Variants in ANXA11 observed in about 807,000 individuals in gnomAD.
ANXA11 encodes annexin A11.
Under a neutral mutation model 64.7 loss-of-function variants are expected in ANXA11, and 57 were observed. That is an observed-to-expected ratio of 0.88 (90% CI 0.71 to 1.10). ANXA11 has a LOEUF of 1.10. Among genes scored for constraint, ANXA11 ranks in the 50% least tolerant of loss-of-function variants. The pLI is 0.00. For missense variants in ANXA11, 675 were observed against 670.7 expected (o/e 1.01, Z -0.07); for synonymous variants, 260 against 265.2 (o/e 0.98, Z 0.19).
At chr10:80,172,405 G>A (rs1846013614) in intron 3 of ANXA11, among the ~76,000 whole-genome samples, 2 of 152,176 alleles carry the variant, frequency 1.3e-5, no homozygotes, top group African/African-American at 4.8e-5. Context: ...GCAATGCTTT[G>A]GAGGACACCG....
chr10:80,160,604 G>A (rs141762894), intron 12 of ANXA11, among the ~76,000 whole-genome samples: 1 of 152,144 alleles, frequency 6.6e-6, no homozygotes, highest in East Asian at 1.9e-4. Context: ...CTTCCTCTGC[G>A]TCCTCCTCCC....
chr10:80,160,472 C>T (rs930203350), intron 12 of ANXA11, among the ~76,000 whole-genome samples: 4 of 152,272 alleles, frequency 2.6e-5, no homozygotes, highest in African/African-American at 4.8e-5. Context: ...CAGCACAGAG[C>T]GGTCGCTGGG....
intron 1 of ANXA11, among the ~76,000 whole-genome samples, chr10:80,200,222 T>C (rs550131391): frequency 1.2e-4 from 19 of 152,326 alleles, no homozygotes; most frequent in African/African-American, 4.3e-4. Context: ...ACCTGATTAC[T>C]AACCGCTCCA....
chr10:80,163,596 C>A lies in ANXA11; in HGVS notation c.967G>T (p.Glu323Ter), dbSNP rs779688242. Residue 323 changes from glutamate (E) to a stop codon, truncating the protein, a stop_gained, in exon 10 of 16, where the codon GAA becomes TAA. Coordinates refer to ENST00000422982, the MANE Select transcript of ANXA11 (RefSeq NM_145868.2). LOFTEE classifies it high-confidence loss of function. ...AYKAEFKKTL[E>*]EAIRSDTSGH... is the part of the protein sequence containing the mutation. ...GATGTGTCGCTTCGAATGGCCTCTT[C>A]CAGGGTCTTTTTGAATTCTGAAAGG... 6.4e-7 allele frequency: 1 copy of A among 1,556,762 alleles called. No homozygotes were observed. Among genetic ancestry groups the A allele is most frequent in the South Asian group, 1.2e-5 (1 of 84,620 alleles).
intron 5 of ANXA11, 41 bp from the exon 6 acceptor site, chr10:80,167,354 C>A: frequency 6.4e-7 from 1 of 1,572,146 alleles, no homozygotes; most frequent in South Asian, 1.1e-5. Flanking sequence ...TCGTGCATGC[C>A]GCCTTCCCCA....
chr10:80,175,017 T>C (rs1846118881), intron 2 of ANXA11, among the ~76,000 whole-genome samples: 1 of 152,180 alleles, frequency 6.6e-6, no homozygotes, highest in South Asian at 2.1e-4. Flanking sequence ...AAAGCTGGAA[T>C]TGGCTCCCTG....
chr10:80,189,544 C>T (rs557316983), intron 1 of ANXA11, among the ~76,000 whole-genome samples: 56 of 152,342 alleles, frequency 3.7e-4, no homozygotes, highest in Non-Finnish European at 6.2e-4. Context: ...AGGCCGAGTA[C>T]CTCTCATTCA....
intron 8 of ANXA11, 122 bp downstream of exon 8, chr10:80,165,962 T>C (rs1436506251): frequency 1.9e-6 from 1 of 535,522 alleles, no homozygotes; most frequent in South Asian, 2.9e-5. Flanking sequence ...AGCTAATGAG[T>C]GGGCTAGAAC....
At chr10:80,170,061 C>A in intron 4 of ANXA11, among the ~76,000 whole-genome samples, 1 of 152,148 alleles carries the variant, frequency 6.6e-6, no homozygotes, top group Non-Finnish European at 1.5e-5. Flanking sequence ...CATCACCCCA[C>A]CCCCACTCCT....
chr10:80,173,034 T>C lies in ANXA11; in HGVS notation c.-8-165A>G, dbSNP rs2236556. ...AGACCAGTTCACTGTCTCCTGCTGG[T>C]GCCTCCAGCTAGAAACAGTACCCAC... On this transcript the variant is annotated intron_variant, in intron 2 of 15. Transcript: ENST00000422982. The C allele has an allele frequency of 0.59, 356,505 of 605,178 alleles. 107,947 individuals carry two copies. Among genetic ancestry groups the C allele is most frequent in the African/African-American group, 0.8 (42,771 of 53,312 alleles). The allele number at this position is 605,178 out of a possible 1,614,324, so 37.5% of individuals were successfully genotyped here.
In ANXA11 at chr10:80,151,165, G is replaced by A. The variant is rs1474755458; in HGVS notation, c.*4688C>T. On this transcript the variant is annotated 3_prime_UTR_variant, in exon 16 of 16. Transcript: ENST00000422982. ...AGGGGCTGAGCTGAGATCAGAATAAGGATGTTTGACTCTCAGGTCAGAGCT... is the reference window on the plus strand; with the variant it reads ...AGGGGCTGAGCTGAGATCAGAATAAAGATGTTTGACTCTCAGGTCAGAGCT... 1 of 152,220 alleles carries A rather than the reference G, an allele frequency of 6.6e-6. No individual in the cohort carries two copies. Among genetic ancestry groups the A allele is most frequent in the Non-Finnish European group, 1.5e-5 (1 of 68,056 alleles). 9.4% of individuals were successfully genotyped at this position (152,220 alleles called of 1,614,324 possible).
intron 2 of ANXA11, among the ~76,000 whole-genome samples, chr10:80,174,634 C>A (rs952147172): frequency 6.6e-6 from 1 of 151,674 alleles, no homozygotes; most frequent in African/African-American, 2.4e-5. Context: ...TGCAGTGGTG[C>A]GAGCTCAGCT....
chr10:80,203,806 G>A (rs1358634080), intron 1 of ANXA11, among the ~76,000 whole-genome samples: 1 of 152,212 alleles, frequency 6.6e-6, no homozygotes, highest in African/African-American at 2.4e-5. Flanking sequence ...AGGGGAGGGA[G>A]GGCATTCCAG....
rs138552662 is a variant in ANXA11, at chr10:80,172,358, G to A, written c.55+449C>T. ...GCTGCAAACCCACACACCTTGAGCA[G>A]AGGGTAGGAGAGGTGGTAAGGGGCA... On this transcript the variant is annotated intron_variant, in intron 3 of 15. Coordinates refer to ENST00000422982, the MANE Select transcript of ANXA11 (RefSeq NM_145868.2). Among the ~76,000 whole-genome samples the A allele has an allele frequency of 6.5e-3, 992 of 152,282 alleles. 6 individuals carry two copies. Among genetic ancestry groups the A allele is most frequent in the Non-Finnish European group, 0.011 (767 of 68,010 alleles).
intron 1 of ANXA11, among the ~76,000 whole-genome samples, chr10:80,200,104 C>T (rs1840352883): frequency 6.6e-6 from 1 of 152,162 alleles, no homozygotes; most frequent in African/African-American, 2.4e-5. Flanking sequence ...CAGGCAACGT[C>T]CCAGGAGTTT....
At chr10:80,163,506 G>T (rs376638743) in intron 10 of ANXA11, 28 bp downstream of exon 10, 1 of 1,596,506 alleles carries the variant, frequency 6.3e-7, no homozygotes, top group South Asian at 1.1e-5. Flanking sequence ...TGGCTTGGGG[G>T]CCCCGAGCCC....
chr10:80,178,450 G>A (rs1846248747), intron 1 of ANXA11, among the ~76,000 whole-genome samples: 1 of 152,196 alleles, frequency 6.6e-6, no homozygotes, highest in African/African-American at 2.4e-5. Context: ...TTAAGGATGG[G>A]TCCAATTCTT....
chr10:80,162,224 T>C (rs191707951), intron 11 of ANXA11, among the ~76,000 whole-genome samples, 196 bp from the exon 12 acceptor site: 4 of 152,078 alleles, frequency 2.6e-5, no homozygotes, highest in Admixed American at 1.3e-4. Context: ...AAAGCAGCAA[T>C]CAGGGGCTGA....
rs1045196576 is a variant in ANXA11, at chr10:80,152,344, G to C, written c.*3509C>G. The C allele has an allele frequency of 1.3e-5, 2 of 152,256 alleles. No homozygotes were observed. Among genetic ancestry groups the C allele is most frequent in the Admixed American group, 6.5e-5 (1 of 15,292 alleles). The allele number at this position is 152,256 out of a possible 1,614,324, so 9.4% of individuals were successfully genotyped here. A position where few individuals can be genotyped will look rare whatever the true frequency, so the allele number is the denominator to read the frequency against. On this transcript the variant is annotated 3_prime_UTR_variant, in exon 16 of 16. Coordinates refer to ENST00000422982, the MANE Select transcript of ANXA11 (RefSeq NM_145868.2). ...CCCAACCTCCCACTGACCTTGGAAG[G>C]CAGTAGGTGCCTTTGCCTCTGGGAA...
Sources: allele counts gnomAD v4.1 joint callset (sites outside exome capture counted in the v4.1 genomes callset), GRCh38; gene constraint gnomAD v4.1.1; transcripts MANE v1.5; gene names NCBI Gene and HGNC (gene_info 2026-07-23, HGNC 2026-07-21).